Variants in TTBK1 observed in about 807,000 individuals in gnomAD.
TTBK1 encodes tau-tubulin kinase 1.
A neutral mutation model predicts 108.5 loss-of-function variants in TTBK1; 34 were observed. That is an observed-to-expected ratio of 0.31 (90% CI 0.24 to 0.42). The LOEUF (loss-of-function observed/expected upper bound fraction) is 0.42, where lower values mean the gene tolerates loss of function less well. Ranked by LOEUF, TTBK1 falls within the 10% of genes least tolerant of loss-of-function variation. The pLI is 1.00. For synonymous variants in TTBK1, 809 were observed against 795.1 expected (o/e 1.02, Z -0.29); for missense variants, 1,539 against 1,826.0 (o/e 0.84, Z 2.86).
chr6:43,244,248 A>C (rs1777030916), intron 1 of TTBK1, among the ~76,000 whole-genome samples: 1 of 149,080 alleles, frequency 6.7e-6, no homozygotes, highest in Non-Finnish European at 1.5e-5. Context: ...CACCTCTTTC[A>C]CCTGTTCCCA....
At position 43,285,925 on chromosome 6, in the gene TTBK1, G is replaced by C. The variant is rs1778371164; in HGVS notation, c.*549G>C. 1 of 152,752 alleles carries C rather than the reference G, an allele frequency of 6.5e-6. No homozygotes were observed. The highest frequency in any genetic ancestry group is 2.4e-5 in the African/African-American group (1 of 41,444). The allele number at this position is 152,752 out of a possible 1,614,324, so 9.5% of individuals were successfully genotyped here. ...GGTCCAGCCCCACAGTCTTCTGGGAGCCATTGTGGCCAGGGACGGCCTCTG... is the reference window on the plus strand; with the variant it reads ...GGTCCAGCCCCACAGTCTTCTGGGACCCATTGTGGCCAGGGACGGCCTCTG... On this transcript the variant is annotated 3_prime_UTR_variant, in exon 15 of 15. Transcript: ENST00000259750. The surrounding 1 kb of genome is among the most constrained non-coding windows in gnomAD (Gnocchi z 4.7).
chr6:43,270,115 C>T, intron 13 of TTBK1: 1 of 1,382,072 alleles, frequency 7.2e-7, no homozygotes, highest in Non-Finnish European at 9.3e-7. Context: ...TACTGTAATA[C>T]TCCCACCCCA....
intron 13 of TTBK1, among the ~76,000 whole-genome samples, chr6:43,266,806 A>G (rs1777689290): frequency 6.6e-6 from 1 of 151,878 alleles, no homozygotes; most frequent in Non-Finnish European, 1.5e-5. Flanking sequence ...TTTAGTAGAG[A>G]CGGGGTTTCT....
intron 6 of TTBK1, 56 bp downstream of exon 6, chr6:43,254,707 TG>T: frequency 6.8e-7 from 1 of 1,462,636 alleles, no homozygotes; most frequent in Non-Finnish European, 9.2e-7. Flanking sequence ...CTCCCAGATC[TG>T]GGGACCCTTC....
At chr6:43,281,610 G>A (rs189134170) in intron 13 of TTBK1, among the ~76,000 whole-genome samples, 1 of 152,290 alleles carries the variant, frequency 6.6e-6, no homozygotes, top group Non-Finnish European at 1.5e-5. Context: ...AGTTTAAGAA[G>A]GATGCTTGGC....
At position 43,257,507 on chromosome 6, in the gene TTBK1, T is replaced by C. The variant is rs1338250139; in HGVS notation, c.862-305T>C. On this transcript the variant is annotated intron_variant, in intron 9 of 14. Transcript: ENST00000259750. This position sits in a 1 kb window ranked among gnomAD's most constrained non-coding sequence, Gnocchi z 4.5. Reference sequence around the variant, plus strand: ...ATGGGTTTGGAAACTCCCAGTGGTTTAGGGTTGCTGACATGGTGGAAATGG... The same window carrying C: ...ATGGGTTTGGAAACTCCCAGTGGTTCAGGGTTGCTGACATGGTGGAAATGG... Among the ~76,000 whole-genome samples the C allele has an allele frequency of 6.6e-6, 1 of 151,998 alleles. No homozygotes were observed. Among genetic ancestry groups the C allele is most frequent in the African/African-American group, 2.4e-5 (1 of 41,384 alleles).
rs1778246443 is a variant in TTBK1, at chr6:43,283,429, C to A, written c.2689C>A (p.Pro897Thr). 1.2e-6 allele frequency: 2 copies of A among 1,613,274 alleles called. No individual in the cohort carries two copies. The highest frequency in any genetic ancestry group is 1.7e-6 in the Non-Finnish European group (2 of 1,179,624). The change falls in exon 14 of 15, where the codon CCC becomes ACC. Residue 897 changes from proline (P) to threonine (T), a missense_variant. Physicochemically the swap from Pro to Thr is conservative, Grantham distance 38. Transcript: ENST00000259750. The surrounding 1 kb of genome is among the most constrained non-coding windows in gnomAD (Gnocchi z 8.1). ...CTCTGTCCTCAAGTCTGAGCCCAAG[C>A]CCCCGGGGCCTGGGGCAGGGCTGGG... ...LSSVLKSEPK[P>T]PGPGAGLGAG...
At chr6:43,274,069 T>C (rs553540331) in intron 13 of TTBK1, among the ~76,000 whole-genome samples, 57 of 152,214 alleles carry the variant, frequency 3.7e-4, no homozygotes, top group Non-Finnish European at 6.6e-4. Context: ...GTGGGACTAG[T>C]ATTTTCTCCA....
rs748795823 is a variant in TTBK1 at position 43,283,424 on chromosome 6, C to T, written c.2684C>T (p.Pro895Leu). The T allele has an allele frequency of 1.2e-6, 2 of 1,613,156 alleles. No individual in the cohort carries two copies. Among genetic ancestry groups the T allele is most frequent in the East Asian group, 4.5e-5 (2 of 44,858 alleles). The change falls in exon 14 of 15, where the codon CCC (proline) becomes CTC (leucine). Residue 895 changes from proline to leucine, a missense_variant. Around this residue, in one of 5 missense-constraint regions of TTBK1, gnomAD observed 1,055 missense variants for 1,086.5 expected, o/e 0.97. Coordinates refer to ENST00000259750, the MANE Select transcript of TTBK1 (RefSeq NM_032538.3). The surrounding 1 kb of genome is among the most constrained non-coding windows in gnomAD (Gnocchi z 8.1). ...GTLSSVLKSE[P>L]KPPGPGAGLG... is the part of the protein sequence containing the mutation. ...CTGTCCTCTGTCCTCAAGTCTGAGC[C>T]CAAGCCCCCGGGGCCTGGGGCAGGG... is the stretch of plus-strand genomic sequence containing the variant.
At position 43,255,876 on chromosome 6, in the gene TTBK1, C is replaced by T. The variant is rs1777367598; in HGVS notation, c.861+20C>T. 1.2e-6 allele frequency: 2 copies of T among 1,613,796 alleles called. No individual in the cohort carries two copies. On this transcript the variant is annotated intron_variant, in intron 9 of 14. Coordinates refer to ENST00000259750, the MANE Select transcript of TTBK1 (RefSeq NM_032538.3). ...TACCAGGTGGGAGCCTGCTACCCTGCCCCCGCTCCCTCGACACCACTCTGT... is the reference window on the plus strand; with the variant it reads ...TACCAGGTGGGAGCCTGCTACCCTGTCCCCGCTCCCTCGACACCACTCTGT...
intron 13 of TTBK1, among the ~76,000 whole-genome samples, chr6:43,279,294 C>T (rs1033843409): frequency 3.3e-5 from 5 of 152,158 alleles, no homozygotes; most frequent in African/African-American, 1.2e-4. Flanking sequence ...GATCCAGGGC[C>T]TGGCCAGAGA....
intron 13 of TTBK1, among the ~76,000 whole-genome samples, chr6:43,275,711 C>G (rs1483017279): frequency 6.6e-6 from 1 of 151,868 alleles, no homozygotes; most frequent in Non-Finnish European, 1.5e-5. Flanking sequence ...TTTTTGCCCA[C>G]GCCCCAATCC....
intron 13 of TTBK1, among the ~76,000 whole-genome samples, chr6:43,274,033 T>C (rs540098024): frequency 1.3e-5 from 2 of 152,300 alleles, no homozygotes; most frequent in East Asian, 3.9e-4. Flanking sequence ...CCAGTGGACC[T>C]TTTTGTGGTG....
chr6:43,286,859 C>A lies in TTBK1; in HGVS notation c.*1483C>A, dbSNP rs41275944. ...CTATCTGGACAGGCCCCTGCAGCCT[C>A]TGTCCCCTGGCCTAGCCTCTCTGTC... On this transcript the variant is annotated 3_prime_UTR_variant, in exon 15 of 15. Coordinates refer to ENST00000259750, the MANE Select transcript of TTBK1 (RefSeq NM_032538.3). The surrounding 1 kb of genome is among the most constrained non-coding windows in gnomAD (Gnocchi z 4.6). The A allele has an allele frequency of 0.065, 9,953 of 152,442 alleles. 407 individuals are homozygous for A. Among genetic ancestry groups the A allele is most frequent in the Non-Finnish European group, 0.093 (6,346 of 68,106 alleles). The allele number at this position is 152,442 out of a possible 1,614,324, so 9.4% of individuals were successfully genotyped here.
At chr6:43,278,254 T>C (rs1277683492) in intron 13 of TTBK1, among the ~76,000 whole-genome samples, 1 of 152,124 alleles carries the variant, frequency 6.6e-6, no homozygotes, top group Non-Finnish European at 1.5e-5. Context: ...CCTTCACTTT[T>C]CCTCCTAACT....
Position 43,269,624 on chromosome 6 carries a change from C to T in TTBK1, c.1986+6274C>T, listed in dbSNP as rs1230733779. ...GTGCCTGACACCTCTTTTCCCTCCA[C>T]TTTCTTGGTCTCTTTCAGTTGGAGG... On this transcript the variant is annotated intron_variant, in intron 13 of 14. Coordinates refer to ENST00000259750, the MANE Select transcript of TTBK1 (RefSeq NM_032538.3). The surrounding 1 kb of genome is among the most constrained non-coding windows in gnomAD (Gnocchi z 4.8). 6.3e-7 allele frequency: 1 copy of T among 1,599,806 alleles called. No individual in the cohort carries two copies. Among genetic ancestry groups the T allele is most frequent in the South Asian group, 1.1e-5 (1 of 90,684 alleles).
At chr6:43,266,613 ATT>A (rs67120400) in intron 13 of TTBK1, among the ~76,000 whole-genome samples, 7 of 146,290 alleles carry the variant, frequency 4.8e-5, no homozygotes, top group Non-Finnish European at 7.6e-5. Flanking sequence ...AGGTCTGTGA[ATT>A]TTTTTTTTTT....
At position 43,284,292 on chromosome 6, in the gene TTBK1, G is replaced by C. The variant is rs767175021; in HGVS notation, c.3552G>C (p.Leu1184Phe). 15 of 1,575,784 alleles carry C rather than the reference G, an allele frequency of 9.5e-6. No individual in the cohort carries two copies. Among genetic ancestry groups the C allele is most frequent in the Non-Finnish European group, 1.1e-5 (13 of 1,163,890 alleles). The change falls in exon 14 of 15, where the codon TTG (leucine) becomes TTC (phenylalanine). Residue 1184 changes from leucine to phenylalanine, a missense_variant. Leu to Phe is a conservative substitution (Grantham distance 22). This residue lies in a region of TTBK1 where 1,055 missense variants were observed against 1,086.5 expected (regional missense o/e 0.97). Transcript: ENST00000259750. ...GATCCCATGGCGCGGCCCCAGCATT[G>C]GACACAGCCATCACCAGCAGGTGAG... ...ASRSHGAAPA[L>F]DTAITSRLQL...
chr6:43,266,781 G>A (rs1016144245), intron 13 of TTBK1, among the ~76,000 whole-genome samples: 25 of 151,728 alleles, frequency 1.6e-4, no homozygotes, highest in African/African-American at 6.1e-4. Context: ...CACCACACCC[G>A]GCTAATTTTG....
Sources: allele counts gnomAD v4.1 joint callset (sites outside exome capture counted in the v4.1 genomes callset), GRCh38; gene constraint gnomAD v4.1.1; regional missense constraint gnomAD v4.1.1; non-coding constraint Gnocchi (gnomAD v3.1); transcripts MANE v1.5; gene names NCBI Gene and HGNC (gene_info 2026-07-23, HGNC 2026-07-21).